Variants in BCAS3 observed in about 807,000 individuals in gnomAD.
The protein encoded by BCAS3 is BCAS4/BCAS3 fusion.
BCAS3 carries 53 observed loss-of-function variants against 116.1 expected under a neutral mutation model. The observed-to-expected ratio is 0.46, with a 90% CI of 0.37 to 0.57. BCAS3 has a LOEUF of 0.57. Among genes scored for constraint, BCAS3 ranks in the 20% least tolerant of loss-of-function variants. The probability of loss-of-function intolerance (pLI) is 0.00; values close to 1 mark genes in which losing one functional copy is unlikely to be tolerated. For missense variants in BCAS3, 917 were observed against 1,165.4 expected (o/e 0.79, Z 3.10); for synonymous variants, 391 against 408.2 (o/e 0.96, Z 0.51).
At chr17:60,745,657 G>C (rs1197247139) in intron 5 of BCAS3, among the ~76,000 whole-genome samples, 1 of 152,068 alleles carries the variant, frequency 6.6e-6, no homozygotes, top group East Asian at 1.9e-4. Flanking sequence ...GGAATTTGTA[G>C]AGTAAATAAG....
In BCAS3 at chr17:60,993,409, G is replaced by A. The variant is rs116085442; in HGVS notation, c.1486+3174G>A. On this transcript the variant is annotated intron_variant, in intron 15 of 23. Coordinates refer to ENST00000407086, the MANE Select transcript of BCAS3 (RefSeq NM_017679.5). The surrounding 1 kb of genome is among the most constrained non-coding windows in gnomAD (Gnocchi z 4.2). ...TCAAAGAGGAGAATCCACACTGTTC[G>A]ACTATGCTGCTGTACTTAAGATTTT... Among the ~76,000 whole-genome samples the A allele has an allele frequency of 1.1e-3, 162 of 152,022 alleles. 1 individual carries two copies. The highest frequency in any genetic ancestry group is 3.7e-3 in the African/African-American group (153 of 41,464).
chr17:60,944,420 T>C (rs1368182874), intron 13 of BCAS3, among the ~76,000 whole-genome samples: 2 of 152,092 alleles, frequency 1.3e-5, no homozygotes, highest in African/African-American at 4.8e-5. Context: ...CCAAATATTT[T>C]TACTTGAAAA....
chr17:60,930,214 C>T (rs1348313288), intron 13 of BCAS3, among the ~76,000 whole-genome samples: 1 of 151,938 alleles, frequency 6.6e-6, no homozygotes, highest in African/African-American at 2.4e-5. Flanking sequence ...AAGTTTTAAC[C>T]CTCTAATAAT....
chr17:61,094,082 T>C (rs2073808305), intron 22 of BCAS3, among the ~76,000 whole-genome samples: 1 of 152,262 alleles, frequency 6.6e-6, no homozygotes, highest in Admixed American at 6.5e-5. Context: ...TGGGTAAAAC[T>C]GGTGGCCTGT....
chr17:60,848,121 A>ATT (rs2052695457), intron 7 of BCAS3, among the ~76,000 whole-genome samples: 1 of 152,164 alleles, frequency 6.6e-6, no homozygotes, highest in African/African-American at 2.4e-5. Flanking sequence ...TTCATCATTA[A>ATT]TTTATTTCTG....
In BCAS3 at chr17:61,258,828, G is replaced by A. The variant is rs556918489; in HGVS notation, c.2426-109499G>A. ...CTAAATATTGACAACTGACTATGCC[G>A]TCTTATTCCAGCATATGGATTTGTA... On this transcript the variant is annotated intron_variant, in intron 22 of 23. Coordinates refer to ENST00000407086, the MANE Select transcript of BCAS3 (RefSeq NM_017679.5). The surrounding 1 kb of genome is among the most constrained non-coding windows in gnomAD (Gnocchi z 4.7). 5.3e-5 allele frequency among the ~76,000 whole-genome samples: 8 copies of A among 152,330 alleles called. No homozygotes were observed. The highest frequency in any genetic ancestry group is 3.9e-4 in the East Asian group (2 of 5,188).
chr17:61,106,417 T>C lies in BCAS3; in HGVS notation c.2425+21853T>C, dbSNP rs1259067289. Among the ~76,000 whole-genome samples the C allele has an allele frequency of 6.6e-6, 1 of 152,196 alleles. No homozygotes were observed. On this transcript the variant is annotated intron_variant, in intron 22 of 23. Coordinates refer to ENST00000407086, the MANE Select transcript of BCAS3 (RefSeq NM_017679.5). The surrounding 1 kb of genome is among the most constrained non-coding windows in gnomAD (Gnocchi z 4.2). The stretch of plus-strand genomic sequence containing the variant: ...TCGGTACAGTAACATACTGCACAGA[T>C]TTTTTGTCTGGGAGTAATAAAAGAG...
At chr17:61,322,794 CAGAG>C (rs35581770) in intron 22 of BCAS3, among the ~76,000 whole-genome samples, 45,886 of 98,528 alleles carry the variant, frequency 0.47, 10,598 homozygotes, top group East Asian at 0.64. Flanking sequence ...GAGAGAGAGA[CAGAG>C]AGAGAGAGAG....
chr17:61,318,157 C>T (rs756485181), intron 22 of BCAS3, among the ~76,000 whole-genome samples: 4 of 152,174 alleles, frequency 2.6e-5, no homozygotes, highest in African/African-American at 4.8e-5. Flanking sequence ...CCCTGGGAGG[C>T]GACTAGAACA....
chr17:61,110,616 C>T (rs2075008178), intron 22 of BCAS3, among the ~76,000 whole-genome samples: 2 of 152,218 alleles, frequency 1.3e-5, no homozygotes, highest in Non-Finnish European at 2.9e-5. Flanking sequence ...TCGCTGATTG[C>T]TAGCACAGCA....
At chr17:60,701,033 C>T (rs995107171) in intron 4 of BCAS3, among the ~76,000 whole-genome samples, 1 of 151,828 alleles carries the variant, frequency 6.6e-6, no homozygotes, top group East Asian at 1.9e-4. Flanking sequence ...CACTTGAGGT[C>T]AGGAGTTTGA....
chr17:60,869,671 T>A (rs2054925860), intron 8 of BCAS3, among the ~76,000 whole-genome samples: 1 of 152,206 alleles, frequency 6.6e-6, no homozygotes. Flanking sequence ...AAATACCCAA[T>A]ATATTATTGC....
chr17:60,938,743 T>A (rs2145214269), intron 13 of BCAS3, among the ~76,000 whole-genome samples: 1 of 151,982 alleles, frequency 6.6e-6, no homozygotes, highest in East Asian at 1.9e-4. Context: ...GATAGATAGA[T>A]AGATAGATAG....
intron 6 of BCAS3, among the ~76,000 whole-genome samples, chr17:60,770,938 C>G (rs2044640075): frequency 6.8e-6 from 1 of 147,228 alleles, no homozygotes; most frequent in African/African-American, 2.5e-5. Context: ...ACCTCAGCCT[C>G]CCAAGTAGCT....
At chr17:60,727,245 T>C in intron 5 of BCAS3, 2 of 987,136 alleles carry the variant, frequency 2.0e-6, no homozygotes, top group Non-Finnish European at 3.3e-6. Context: ...ACCACCATCC[T>C]CTTGGATCTG....
intron 14 of BCAS3, among the ~76,000 whole-genome samples, chr17:60,980,230 G>T (rs1241544030): frequency 6.6e-6 from 1 of 152,134 alleles, no homozygotes; most frequent in Non-Finnish European, 1.5e-5. Flanking sequence ...TTTCTAAGTG[G>T]CTACACCATT....
At position 61,083,658 on chromosome 17, in the gene BCAS3, C is replaced by T. The variant is rs7210920; in HGVS notation, c.2328-809C>T. 0.099 allele frequency among the ~76,000 whole-genome samples: 14,867 copies of T among 149,784 alleles called. 2,260 individuals are homozygous for T. The highest frequency in any genetic ancestry group is 0.33 in the African/African-American group (13,348 of 40,390). On this transcript the variant is annotated intron_variant, in intron 21 of 23. Transcript: ENST00000407086. The surrounding 1 kb of genome is among the most constrained non-coding windows in gnomAD (Gnocchi z 4.9). ...TCACCCAGGCTGGAGTGCAGTGGCA[C>T]GATCTTGGCTCATTGCAACCTCTGG...
chr17:60,926,876 C>T (rs1181185426), intron 13 of BCAS3, among the ~76,000 whole-genome samples: 1 of 152,190 alleles, frequency 6.6e-6, no homozygotes, highest in Admixed American at 6.5e-5. Flanking sequence ...TCTTTGTCCT[C>T]TCACATTTGT....
At position 61,023,539 on chromosome 17, in the gene BCAS3, A is replaced by G. The variant is rs149839568; in HGVS notation, c.1637+7638A>G. Among the ~76,000 whole-genome samples, 14 of 152,346 alleles carry G rather than the reference A, an allele frequency of 9.2e-5. 1 individual carries two copies. The highest frequency in any genetic ancestry group is 2.1e-4 in the South Asian group (1 of 4,834). ...ATAGAGGATTGGAGGATTTCAAATC[A>G]AATCTAGTTTTGCTTTTTTCTCATA... On this transcript the variant is annotated intron_variant, in intron 16 of 23. Coordinates refer to ENST00000407086, the MANE Select transcript of BCAS3 (RefSeq NM_017679.5). The surrounding 1 kb of genome is among the most constrained non-coding windows in gnomAD (Gnocchi z 4.8).
Sources: allele counts gnomAD v4.1 joint callset (sites outside exome capture counted in the v4.1 genomes callset), GRCh38; gene constraint gnomAD v4.1.1; non-coding constraint Gnocchi (gnomAD v3.1); transcripts MANE v1.5; gene names NCBI Gene and HGNC (gene_info 2026-07-23, HGNC 2026-07-21).